Variants in HSD17B3 observed in about 807,000 individuals in gnomAD.
HSD17B3 encodes the protein 17-beta-hydroxysteroid dehydrogenase type 3.
Under a neutral mutation model 41.1 loss-of-function variants are expected in HSD17B3, and 29 were observed. The observed-to-expected ratio is 0.71, with a 90% CI of 0.53 to 0.96. HSD17B3 has a LOEUF of 0.96. Among genes scored for constraint, HSD17B3 ranks in the 40% least tolerant of loss-of-function variants. The pLI is 0.00. For missense variants in HSD17B3, 323 were observed against 374.6 expected, an observed-to-expected ratio of 0.86 and a Z score of 1.14; for synonymous variants, 126 against 145.6, an observed-to-expected ratio of 0.87 and a Z score of 0.97.
chr9:96,265,381 TAAC>T lies in HSD17B3; in HGVS notation c.202-10441_202-10439del, dbSNP rs201864859. Among the ~76,000 whole-genome samples, 812 of 152,346 alleles carry T rather than the reference TAAC, an allele frequency of 5.3e-3. 5 individuals carry two copies. The highest frequency in any genetic ancestry group is 0.021 in the South Asian group (100 of 4,824). ...TTGTTACTAAGTCAATATAAAACTTTAACAACTGCTAACATATGTCTTTGAGAG... is the reference window on the plus strand; with the variant it reads ...TTGTTACTAAGTCAATATAAAACTTTAACTGCTAACATATGTCTTTGAGAG... On this transcript the variant is annotated intron_variant, in intron 2 of 10. Transcript: ENST00000375263.
At chr9:96,264,634 G>A (rs746461474) in intron 2 of HSD17B3, among the ~76,000 whole-genome samples, 1 of 152,134 alleles carries the variant, frequency 6.6e-6, no homozygotes, top group African/African-American at 2.4e-5. Context: ...CAGCCTCCCA[G>A]AGTGCTGGGA....
chr9:96,250,342 A>T (rs1836845867), intron 5 of HSD17B3: 3 of 1,077,596 alleles, frequency 2.8e-6, no homozygotes, highest in Non-Finnish European at 3.4e-6. Flanking sequence ...CCAGAAACAG[A>T]GTGTGGGAGA....
At chr9:96,277,155 C>T (rs1341410838) in intron 2 of HSD17B3, among the ~76,000 whole-genome samples, 3 of 150,308 alleles carry the variant, frequency 2.0e-5, no homozygotes, top group African/African-American at 4.9e-5. Context: ...GAGCCGAGAT[C>T]ACACCACTGC....
intron 2 of HSD17B3, among the ~76,000 whole-genome samples, chr9:96,297,633 C>T (rs1261741348): frequency 6.6e-6 from 1 of 152,114 alleles, no homozygotes; most frequent in Non-Finnish European, 1.5e-5. Flanking sequence ...AGGAGTGAGC[C>T]ACCGTGCCCA....
chr9:96,250,513 G>A, intron 5 of HSD17B3: 3 of 1,038,256 alleles, frequency 2.9e-6, no homozygotes, highest in Non-Finnish European at 3.5e-6. Flanking sequence ...GGAAGCATGA[G>A]AGCCTGTTCA....
chr9:96,290,456 CTTTTTTT>C (rs61373611), intron 2 of HSD17B3, among the ~76,000 whole-genome samples: 1 of 78,418 alleles, frequency 1.3e-5, no homozygotes, highest in Non-Finnish European at 2.2e-5. Context: ...ATTTCCTGGG[CTTTTTTT>C]TTTTTTTTTT....
At chr9:96,235,798 T>G (rs896207639) in intron 10 of HSD17B3, among the ~76,000 whole-genome samples, 4 of 152,120 alleles carry the variant, frequency 2.6e-5, no homozygotes, top group Non-Finnish European at 5.9e-5. Flanking sequence ...CCTAGTACAA[T>G]CAGCCCTAAG....
At chr9:96,284,701 C>A (rs964651002) in intron 2 of HSD17B3, among the ~76,000 whole-genome samples, 1 of 152,120 alleles carries the variant, frequency 6.6e-6, no homozygotes, top group African/African-American at 2.4e-5. Context: ...GGTCCAGAAG[C>A]CCCAAGTTAT....
chr9:96,269,967 G>A (rs1826179979), intron 2 of HSD17B3, among the ~76,000 whole-genome samples: 1 of 145,522 alleles, frequency 6.9e-6, no homozygotes, highest in South Asian at 2.2e-4. Context: ...TTTACATTAA[G>A]TGCAAAACAA....
chr9:96,248,632 T>TACTGAGCAAGGTGTGG (rs1836768141), intron 6 of HSD17B3, among the ~76,000 whole-genome samples: 2 of 152,128 alleles, frequency 1.3e-5, no homozygotes, highest in African/African-American at 2.4e-5. Context: ...TTAGTGCAGG[T>TACTGAGCAAGGTGTGG]GGGAAGCTCA....
At chr9:96,254,811 G>C in intron 3 of HSD17B3, 57 bp downstream of exon 3, 6 of 1,438,184 alleles carry the variant, frequency 4.2e-6, no homozygotes, top group South Asian at 3.5e-5. Context: ...GGCATGGTGG[G>C]AGCAGGCTTG....
intron 1 of HSD17B3, among the ~76,000 whole-genome samples, chr9:96,300,890 A>C (rs1827573086): frequency 6.6e-6 from 1 of 151,606 alleles, no homozygotes; most frequent in Non-Finnish European, 1.5e-5. Flanking sequence ...TAACACCTTC[A>C]TTTCTTAAAA....
At chr9:96,300,125 G>A (rs969260617) in intron 1 of HSD17B3, among the ~76,000 whole-genome samples, 1 of 150,652 alleles carries the variant, frequency 6.6e-6, no homozygotes, top group Non-Finnish European at 1.5e-5. Flanking sequence ...TGTGTGGAGT[G>A]GGGTATTTAA....
intron 2 of HSD17B3, among the ~76,000 whole-genome samples, chr9:96,263,960 T>C (rs1704940843): frequency 6.6e-6 from 1 of 152,176 alleles, no homozygotes; most frequent in African/African-American, 2.4e-5. Flanking sequence ...CAATGTTTCA[T>C]ATTCTTTAAA....
At chr9:96,269,497 G>A (rs1354580208) in intron 2 of HSD17B3, among the ~76,000 whole-genome samples, 1 of 152,188 alleles carries the variant, frequency 6.6e-6, no homozygotes, top group African/African-American at 2.4e-5. Flanking sequence ...GAATGCTGTA[G>A]TAGAATAGAA....
intron 9 of HSD17B3, among the ~76,000 whole-genome samples, chr9:96,241,600 G>A (rs916639270): frequency 6.6e-6 from 1 of 152,080 alleles, no homozygotes; most frequent in Non-Finnish European, 1.5e-5. Flanking sequence ...TCATAATGGG[G>A]TTTTATTACC....
chr9:96,300,945 AT>A (rs1350635496), intron 1 of HSD17B3, among the ~76,000 whole-genome samples: 1 of 152,212 alleles, frequency 6.6e-6, no homozygotes, highest in East Asian at 1.9e-4. Context: ...AATTATTTAG[AT>A]TTCAAAATTT....
At chr9:96,259,951 A>C (rs1825803285) in intron 2 of HSD17B3, among the ~76,000 whole-genome samples, 1 of 152,040 alleles carries the variant, frequency 6.6e-6, no homozygotes, top group Non-Finnish European at 1.5e-5. Context: ...TTTCTTTCTA[A>C]TATTTGCATA....
intron 2 of HSD17B3, among the ~76,000 whole-genome samples, chr9:96,270,232 T>TC (rs1033963394): frequency 6.8e-6 from 1 of 146,384 alleles, no homozygotes; most frequent in Non-Finnish European, 1.5e-5. Context: ...ATTTGATCTA[T>TC]CCCCCCCAAA....
Sources: gnomAD v4.1 joint callset for allele counts (sites outside exome capture counted in the v4.1 genomes callset) on GRCh38, gnomAD v4.1.1 for gene constraint, MANE v1.5 for transcripts, NCBI Gene and HGNC (gene_info 2026-07-23, HGNC 2026-07-21) for gene names.